GSE1: variants seen among roughly 807,000 people sequenced by gnomAD.
GSE1 encodes the protein genetic suppressor element 1.
GSE1 carries 32 observed loss-of-function variants against 112.6 expected under a neutral mutation model. The ratio of observed to expected loss-of-function variants is 0.28; its 90% confidence interval spans 0.21 to 0.38. GSE1 has a LOEUF of 0.38. Among genes scored for constraint, GSE1 ranks in the 10% least tolerant of loss-of-function variants. The pLI is 1.00. For synonymous variants in GSE1, 1,115 were observed against 735.6 expected, an observed-to-expected ratio of 1.52 and a Z score of -8.35; for missense variants, 2,348 against 1,699.2, an observed-to-expected ratio of 1.38 and a Z score of -6.71.
At chr16:85,196,553 G>C (rs866799134) in intron 1 of GSE1, among the ~76,000 whole-genome samples, 13 of 152,252 alleles carry the variant, frequency 8.5e-5, no homozygotes, top group Admixed American at 1.3e-4. Flanking sequence ...CTGGTGCCCA[G>C]GGGGAGTTTG....
chr16:85,651,458 T>C (rs1287341848), intron 3 of GSE1, among the ~76,000 whole-genome samples: 1 of 152,070 alleles, frequency 6.6e-6, no homozygotes, highest in African/African-American at 2.4e-5. Context: ...GAAGGTGCCA[T>C]CTGGCCTGCG....
intron 1 of GSE1, among the ~76,000 whole-genome samples, chr16:85,202,495 C>G (rs1037794661): frequency 6.6e-6 from 1 of 152,200 alleles, no homozygotes; most frequent in Non-Finnish European, 1.5e-5. Context: ...AACTCCTGGG[C>G]TCATGGTGGC....
intron 8 of GSE1, among the ~76,000 whole-genome samples, chr16:85,658,554 G>GT (rs1487480358): frequency 6.6e-6 from 1 of 152,230 alleles, no homozygotes; most frequent in Admixed American, 6.5e-5. Context: ...CCGTTATCCA[G>GT]TAGGGCAGCG....
chr16:85,481,344 A>C (rs2050676427), intron 2 of GSE1, among the ~76,000 whole-genome samples: 2 of 152,248 alleles, frequency 1.3e-5, no homozygotes, highest in Non-Finnish European at 2.9e-5. Flanking sequence ...AGCTTGTACC[A>C]GGCTCAGAGG....
intron 2 of GSE1, among the ~76,000 whole-genome samples, chr16:85,384,996 C>T (rs1462020223): frequency 1.3e-5 from 2 of 152,274 alleles, no homozygotes; most frequent in African/African-American, 2.4e-5. Context: ...GCCCTGGCCT[C>T]GGATTGGCTC....
intron 1 of GSE1, among the ~76,000 whole-genome samples, chr16:85,217,725 C>T (rs2075327320): frequency 6.6e-6 from 1 of 152,096 alleles, no homozygotes; most frequent in Non-Finnish European, 1.5e-5. Flanking sequence ...GCCGAACAGC[C>T]CAGCGGACTT....
intron 1 of GSE1, among the ~76,000 whole-genome samples, chr16:85,200,850 C>T (rs1290139105): frequency 6.6e-6 from 1 of 152,186 alleles, no homozygotes; most frequent in East Asian, 1.9e-4. Flanking sequence ...AGAACTTTGT[C>T]TTCTCACACT....
chr16:85,674,809 C>T lies in GSE1; in HGVS notation c.*2270C>T, dbSNP rs980637269. Reference sequence around the variant, plus strand: ...GTGTCACTGTGCTAGCAATAGTTGGCTTCTCCCCTGTCAGTGGAAACCCCA... The same window carrying T: ...GTGTCACTGTGCTAGCAATAGTTGGTTTCTCCCCTGTCAGTGGAAACCCCA... On this transcript the variant is annotated 3_prime_UTR_variant, in exon 16 of 16. Transcript: ENST00000253458. The T allele has an allele frequency of 6.6e-6, 1 of 152,544 alleles. No homozygotes were observed. The highest frequency in any genetic ancestry group is 1.5e-5 in the Non-Finnish European group (1 of 68,058). 9.4% of individuals were successfully genotyped at this position (152,544 alleles called of 1,614,324 possible).
chr16:85,178,707 A>G (rs972737704), intron 1 of GSE1, among the ~76,000 whole-genome samples: 5 of 151,934 alleles, frequency 3.3e-5, no homozygotes, highest in African/African-American at 1.2e-4. Context: ...GCACTGTTCT[A>G]GACACCAGGA....
At chr16:85,476,256 A>G (rs1302418558) in intron 2 of GSE1, among the ~76,000 whole-genome samples, 1 of 152,126 alleles carries the variant, frequency 6.6e-6, no homozygotes, top group Non-Finnish European at 1.5e-5. Context: ...GCGGGCTTTT[A>G]AGAACACGAT....
intron 1 of GSE1, among the ~76,000 whole-genome samples, chr16:85,284,037 T>G (rs751958227): frequency 1.3e-5 from 2 of 152,102 alleles, no homozygotes; most frequent in African/African-American, 4.8e-5. Context: ...CTGCATGGCC[T>G]CCACAGTCCC....
At chr16:85,478,897 TTCTTTCTTTC>T (rs2050564534) in intron 2 of GSE1, among the ~76,000 whole-genome samples, 1 of 83,266 alleles carries the variant, frequency 1.2e-5, no homozygotes. Flanking sequence ...CTTTCTTTCT[TTCTTTCTTTC>T]TTTCTTTCTT....
chr16:85,487,117 C>G (rs1204059619), intron 2 of GSE1, among the ~76,000 whole-genome samples: 1 of 152,112 alleles, frequency 6.6e-6, no homozygotes, highest in East Asian at 1.9e-4. Context: ...GATGGGCTCT[C>G]TGTCCAGTTG....
intron 1 of GSE1, among the ~76,000 whole-genome samples, chr16:85,351,764 C>T (rs917523773): frequency 2.0e-5 from 3 of 152,144 alleles, no homozygotes; most frequent in African/African-American, 7.2e-5. Flanking sequence ...CCGAGGCAGG[C>T]GGATCACCTG....
chr16:85,620,054 A>G (rs2048632601), intron 1 of GSE1, among the ~76,000 whole-genome samples: 1 of 152,114 alleles, frequency 6.6e-6, no homozygotes, highest in Non-Finnish European at 1.5e-5. Flanking sequence ...CCAGCACTCC[A>G]GGAGGCCGAG....
intron 1 of GSE1, among the ~76,000 whole-genome samples, chr16:85,564,435 C>G (rs1480090181): frequency 1.3e-5 from 2 of 152,164 alleles, no homozygotes; most frequent in East Asian, 1.9e-4. Context: ...GTGACAAGTA[C>G]TGGTGCTGAG....
intron 2 of GSE1, among the ~76,000 whole-genome samples, chr16:85,374,679 C>A (rs2047380442): frequency 6.6e-6 from 1 of 152,140 alleles, no homozygotes; most frequent in African/African-American, 2.4e-5. Context: ...AGGCCCATGA[C>A]CCTGGAGGGG....
At chr16:85,279,450 T>A (rs2044789092) in intron 1 of GSE1, among the ~76,000 whole-genome samples, 1 of 151,934 alleles carries the variant, frequency 6.6e-6, no homozygotes, top group Admixed American at 6.6e-5. Flanking sequence ...CTACAAAAAG[T>A]ACAAAAATTA....
intron 2 of GSE1, among the ~76,000 whole-genome samples, chr16:85,403,964 C>T (rs139790488): frequency 2.1e-3 from 317 of 152,282 alleles, no homozygotes; most frequent in African/African-American, 7.4e-3. Flanking sequence ...GGGCTTGTGG[C>T]CGCTCACTGC....
Sources: gnomAD v4.1 joint callset for allele counts (sites outside exome capture counted in the v4.1 genomes callset) on GRCh38, gnomAD v4.1.1 for gene constraint, MANE v1.5 for transcripts, NCBI Gene and HGNC (gene_info 2026-07-23, HGNC 2026-07-21) for gene names.